MTHFD1L: variants seen among roughly 807,000 people sequenced by gnomAD.
The protein encoded by MTHFD1L is methylenetetrahydrofolate dehydrogenase (NADP+ dependent) 1 like, also known as monofunctional C1-tetrahydrofolate synthase, mitochondrial.
In MTHFD1L, 81 loss-of-function variants were observed where a neutral mutation model predicts 119.5. The observed-to-expected ratio is 0.68, with a 90% confidence interval of 0.57 to 0.82. The LOEUF is 0.82. Among genes scored for constraint, MTHFD1L ranks in the 40% least tolerant of loss-of-function variants. The pLI is 0.00. For missense variants in MTHFD1L, 1,125 were observed against 1,253.4 expected (o/e 0.90, Z 1.55); for synonymous variants, 430 against 475.2 (o/e 0.90, Z 1.24).
intron 5 of MTHFD1L, 92 bp from the exon 6 acceptor site, chr6:150,885,542 G>A: frequency 1.2e-6 from 1 of 861,730 alleles, no homozygotes; most frequent in Non-Finnish European, 1.9e-6. Context: ...CATTGACTTG[G>A]ATGTTATTTG....
At chr6:150,977,163 A>G (rs921027643) in intron 20 of MTHFD1L, among the ~76,000 whole-genome samples, 4 of 152,206 alleles carry the variant, frequency 2.6e-5, no homozygotes, top group Non-Finnish European at 5.9e-5. Context: ...TAAGTACTAT[A>G]TTAGTTAAGG....
At chr6:150,948,148 C>T (rs575638885) in intron 15 of MTHFD1L, among the ~76,000 whole-genome samples, 10 of 152,064 alleles carry the variant, frequency 6.6e-5, no homozygotes, top group African/African-American at 1.7e-4. Flanking sequence ...GCTGGGATTA[C>T]AGGCATGTGC....
At chr6:151,096,825 C>T (rs534314470) in intron 27 of MTHFD1L, among the ~76,000 whole-genome samples, 3 of 152,248 alleles carry the variant, frequency 2.0e-5, no homozygotes, top group East Asian at 1.9e-4. Context: ...CCTGTCTCAC[C>T]TCCTAGGAAA....
rs187049081 is a variant in MTHFD1L at position 151,057,837 on chromosome 6, G to A, written c.2847+20720G>A. Among the ~76,000 whole-genome samples the A allele has an allele frequency of 9.2e-5, 14 of 152,300 alleles. No individual in the cohort carries two copies. The East Asian group carries it at 2.1e-3, about 23-fold the overall frequency. ...TCTGTGGCCCAGGCTGGAGTGCAGTGGTGCCATCTCGGCTCACTGCAACCT... is the reference window on the plus strand; with the variant it reads ...TCTGTGGCCCAGGCTGGAGTGCAGTAGTGCCATCTCGGCTCACTGCAACCT... On this transcript the variant is annotated intron_variant, in intron 26 of 27. Transcript: ENST00000367321.
At chr6:151,075,239 G>A (rs955697661) in intron 26 of MTHFD1L, among the ~76,000 whole-genome samples, 4 of 151,850 alleles carry the variant, frequency 2.6e-5, no homozygotes, top group East Asian at 1.9e-4. Context: ...TGCAAGAGCC[G>A]ACTATTACTG....
chr6:150,867,342 C>G (rs1778575647), intron 1 of MTHFD1L, among the ~76,000 whole-genome samples: 1 of 152,162 alleles, frequency 6.6e-6, no homozygotes. Flanking sequence ...CAGGTGTGCG[C>G]TACCATGCCC....
intron 11 of MTHFD1L, among the ~76,000 whole-genome samples, chr6:150,930,820 C>T (rs1790913056): frequency 6.6e-6 from 1 of 152,042 alleles, no homozygotes; most frequent in Admixed American, 6.6e-5. Context: ...TTATTAATAA[C>T]TCAAATGCAG....
intron 19 of MTHFD1L, among the ~76,000 whole-genome samples, chr6:150,968,009 GA>G (rs1389128382): frequency 6.6e-6 from 1 of 151,632 alleles, no homozygotes; most frequent in Non-Finnish European, 1.5e-5. Context: ...TCCTCTGGGG[GA>G]CCTTTGCACG....
intron 18 of MTHFD1L, among the ~76,000 whole-genome samples, chr6:150,963,262 G>C (rs552845041): frequency 1.3e-5 from 2 of 152,138 alleles, no homozygotes; most frequent in African/African-American, 4.8e-5. Context: ...TGTATAATGA[G>C]TGGGTTGCAT....
chr6:151,084,112 A>G (rs879279328), intron 26 of MTHFD1L, among the ~76,000 whole-genome samples: 8 of 152,216 alleles, frequency 5.3e-5, no homozygotes, highest in Non-Finnish European at 1.2e-4. Context: ...CATTTTCTAC[A>G]TGTTAAATGC....
intron 26 of MTHFD1L, among the ~76,000 whole-genome samples, chr6:151,083,743 G>C (rs1793456219): frequency 6.6e-6 from 1 of 151,940 alleles, no homozygotes; most frequent in Non-Finnish European, 1.5e-5. Flanking sequence ...TTACTTCATT[G>C]CATAATGGTG....
At chr6:151,017,118 T>A (rs1783200728) in intron 24 of MTHFD1L, among the ~76,000 whole-genome samples, 1 of 152,010 alleles carries the variant, frequency 6.6e-6, no homozygotes. Context: ...GTTAAGTACA[T>A]TCACATTGTC....
At chr6:151,034,412 C>T in intron 24 of MTHFD1L, 81 bp from the exon 25 acceptor site, 1 of 939,392 alleles carries the variant, frequency 1.1e-6, no homozygotes, top group Non-Finnish European at 1.7e-6. Flanking sequence ...TAAGCAATTA[C>T]AGAACATCTC....
chr6:151,019,723 C>T (rs950094541), intron 24 of MTHFD1L, among the ~76,000 whole-genome samples: 2 of 152,216 alleles, frequency 1.3e-5, no homozygotes, highest in African/African-American at 4.8e-5. Flanking sequence ...GCTGCTGGCT[C>T]TCTTTGTACT....
In MTHFD1L at chr6:150,877,823, C is replaced by T. The variant is rs774243579; in HGVS notation, c.414C>T (p.Ala138=). 8.7e-6 allele frequency: 14 copies of T among 1,614,092 alleles called. No homozygotes were observed. Among genetic ancestry groups the T allele is most frequent in the Middle Eastern group, 1.6e-4 (1 of 6,084 alleles). Residue 138 remains alanine (A), a synonymous_variant, in exon 4 of 28, where the codon GCC becomes GCT. Transcript: ENST00000367321. ...HICLPPDSSE[A]EIIDEILKIN... ...GCCTCCCTCCAGATAGCAGTGAAGC[C>T]GAGGTAATAATGGCAGAGCTCTAAA...
chr6:150,865,960 G>C lies in MTHFD1L; in HGVS notation c.138G>C (p.Leu46=), dbSNP rs1164111708. 10 of 1,261,374 alleles carry C rather than the reference G, an allele frequency of 7.9e-6. No individual in the cohort carries two copies. Among genetic ancestry groups the C allele is most frequent in the Non-Finnish European group, 8.9e-6 (9 of 1,007,876 alleles). The allele number at this position is 1,261,374 out of a possible 1,614,324, so 78.1% of individuals were successfully genotyped here. ...GCGGCGGCGGTGGCCGGGAGGGCCT[G>C]CTTGGACAGCGGCGGCCGCAGGATG... ...GGGGGGGREG[L]LGQRRPQDGQ... The change falls in exon 1 of 28, where the codon CTG becomes CTC. Residue 46 remains leucine (L), a synonymous_variant. Coordinates refer to ENST00000367321, the MANE Select transcript of MTHFD1L (RefSeq NM_015440.5).
intron 24 of MTHFD1L, among the ~76,000 whole-genome samples, chr6:151,024,647 G>A (rs1784388525): frequency 6.6e-6 from 1 of 152,128 alleles, no homozygotes; most frequent in African/African-American, 2.4e-5. Flanking sequence ...TGGCCAACAT[G>A]GCAAAACCCC....
intron 21 of MTHFD1L, among the ~76,000 whole-genome samples, chr6:151,010,198 CAG>C (rs1307316714): frequency 5.3e-5 from 8 of 152,038 alleles, no homozygotes; most frequent in African/African-American, 1.9e-4. Context: ...TTCGAGTAAA[CAG>C]TAACACCCAC....
chr6:151,048,043 A>G (rs1788377183), intron 26 of MTHFD1L, among the ~76,000 whole-genome samples: 1 of 152,198 alleles, frequency 6.6e-6, no homozygotes, highest in East Asian at 1.9e-4. Context: ...ATGAGAACTC[A>G]CTATCACGAG....
Sources: allele counts gnomAD v4.1 joint callset (sites outside exome capture counted in the v4.1 genomes callset), GRCh38; gene constraint gnomAD v4.1.1; transcripts MANE v1.5; gene names NCBI Gene and HGNC (gene_info 2026-07-23, HGNC 2026-07-21).